PRDM16: variants seen among roughly 807,000 people sequenced by gnomAD.
The protein encoded by PRDM16 is PR/SET domain 16.
PRDM16 carries 23 observed loss-of-function variants against 110.6 expected under a neutral mutation model. The observed-to-expected ratio is 0.21, with a 90% CI of 0.15 to 0.29. PRDM16 has a LOEUF of 0.29. Among genes scored for constraint, PRDM16 ranks in the 10% least tolerant of loss-of-function variants. The pLI, the probability that PRDM16 is intolerant of heterozygous loss-of-function variation, is 1.00. For missense variants in PRDM16, 1,615 were observed against 1,794.3 expected, an observed-to-expected ratio of 0.90 and a Z score of 1.81; for synonymous variants, 799 against 781.8, an observed-to-expected ratio of 1.02 and a Z score of -0.37.
chr1:3,323,427 G>A (rs999486466), intron 3 of PRDM16, among the ~76,000 whole-genome samples: 1 of 152,260 alleles, frequency 6.6e-6, no homozygotes, highest in Middle Eastern at 3.2e-3. Context: ...GCTGTTCCAG[G>A]CGCCAACAGA....
Position 3,434,803 on chromosome 1 carries a change from G to A in PRDM16, c.*992G>A, listed in dbSNP as rs72851364. On this transcript the variant is annotated 3_prime_UTR_variant, in exon 17 of 17. Transcript: ENST00000270722. ...TCCTTCCCTCCTCTGTCCCTGCCTC[G>A]GCCACCCCACGCGGGAACCCAGCGC... 2,765 of 232,214 alleles carry A rather than the reference G, an allele frequency of 0.012. 73 individuals carry two copies. Among genetic ancestry groups the A allele is most frequent in the African/African-American group, 0.056 (2,546 of 45,378 alleles). 14.4% of individuals were successfully genotyped at this position (232,214 alleles called of 1,614,324 possible).
chr1:3,357,781 G>A (rs1033482795), intron 3 of PRDM16, among the ~76,000 whole-genome samples: 2 of 152,256 alleles, frequency 1.3e-5, no homozygotes, highest in African/African-American at 4.8e-5. Context: ...GGAGATGGTT[G>A]TGGTTGTCAC....
intron 5 of PRDM16, among the ~76,000 whole-genome samples, chr1:3,400,254 G>A (rs778204986): frequency 4.6e-5 from 7 of 152,208 alleles, no homozygotes; most frequent in African/African-American, 1.2e-4. Context: ...GAATACTGTC[G>A]CCCTTCCCTG....
At chr1:3,282,090 G>A (rs570839417) in intron 3 of PRDM16, among the ~76,000 whole-genome samples, 1 of 152,364 alleles carries the variant, frequency 6.6e-6, no homozygotes, top group South Asian at 2.1e-4. Context: ...TGGGACGCCA[G>A]CTCTCTCCTT....
intron 3 of PRDM16, among the ~76,000 whole-genome samples, chr1:3,263,911 C>T (rs972701250): frequency 2.0e-5 from 3 of 152,218 alleles, no homozygotes; most frequent in African/African-American, 7.2e-5. Flanking sequence ...TCAGTCGACG[C>T]CTCTTGGAGC....
At chr1:3,397,374 A>G (rs1230659650) in intron 5 of PRDM16, among the ~76,000 whole-genome samples, 1 of 152,236 alleles carries the variant, frequency 6.6e-6, no homozygotes, top group Non-Finnish European at 1.5e-5. Flanking sequence ...ACCCAAGTAC[A>G]GCTGAGAGGA....
intron 1 of PRDM16, among the ~76,000 whole-genome samples, chr1:3,167,320 G>T (rs1273164702): frequency 6.6e-6 from 1 of 152,260 alleles, no homozygotes; most frequent in Admixed American, 6.5e-5. Flanking sequence ...CCGGAAATCC[G>T]TCATCCGCAG....
chr1:3,407,240 C>T (rs762070022), intron 8 of PRDM16, among the ~76,000 whole-genome samples: 8 of 152,212 alleles, frequency 5.3e-5, no homozygotes, highest in Non-Finnish European at 5.9e-5. Flanking sequence ...CTGGGCTGTG[C>T]CCGTCCCACC....
At chr1:3,282,996 G>T (rs1456252021) in intron 3 of PRDM16, among the ~76,000 whole-genome samples, 1 of 152,250 alleles carries the variant, frequency 6.6e-6, no homozygotes, top group African/African-American at 2.4e-5. Context: ...ATCTTTCAGT[G>T]CAGAGTCAAT....
chr1:3,265,551 C>T lies in PRDM16; in HGVS notation c.438+21414C>T, dbSNP rs1028208949. ...GGATGTGTGACTCAAGGGACCCATC[C>T]GAGGTTCATGGGAAGAGGAGAAGGG... On this transcript the variant is annotated intron_variant, in intron 3 of 16. Transcript: ENST00000270722. This position sits in a 1 kb window ranked among gnomAD's most constrained non-coding sequence, Gnocchi z 4.5. Among the ~76,000 whole-genome samples, 1 of 151,990 alleles carries T rather than the reference C, an allele frequency of 6.6e-6. No homozygotes were observed. The highest frequency in any genetic ancestry group is 1.5e-5 in the Non-Finnish European group (1 of 67,976).
chr1:3,389,526 G>A (rs1388655977), intron 4 of PRDM16, among the ~76,000 whole-genome samples: 1 of 152,204 alleles, frequency 6.6e-6, no homozygotes, highest in Non-Finnish European at 1.5e-5. Flanking sequence ...AGGTGACCGG[G>A]CCCATCCCAG....
chr1:3,284,559 G>A (rs1215947779), intron 3 of PRDM16, among the ~76,000 whole-genome samples: 1 of 152,220 alleles, frequency 6.6e-6, no homozygotes, highest in Non-Finnish European at 1.5e-5. Context: ...GCCAGGACCT[G>A]CCAGCAGCCA....
Position 3,347,525 on chromosome 1 carries a change from G to A in PRDM16, c.439-37627G>A, listed in dbSNP as rs544130129. ...CTGTGCACACTGGGTGGGAACAAGGGCCTGTAGAATCAAGGCAAGAGGCAG... is the reference window on the plus strand; with the variant it reads ...CTGTGCACACTGGGTGGGAACAAGGACCTGTAGAATCAAGGCAAGAGGCAG... On this transcript the variant is annotated intron_variant, in intron 3 of 16. Coordinates refer to ENST00000270722, the MANE Select transcript of PRDM16 (RefSeq NM_022114.4). Among the ~76,000 whole-genome samples the A allele has an allele frequency of 4.6e-5, 7 of 152,318 alleles. No individual in the cohort carries two copies. In the East Asian group the frequency reaches 1.4e-3, roughly 29 times the overall value.
intron 1 of PRDM16, among the ~76,000 whole-genome samples, chr1:3,092,045 A>AGCCAGCCG (rs1442530973): frequency 1.3e-5 from 2 of 152,200 alleles, no homozygotes; most frequent in Non-Finnish European, 2.9e-5. Context: ...GATAAGATGG[A>AGCCAGCCG]GCCAGCCGTG....
At chr1:3,302,536 C>T (rs545732048) in intron 3 of PRDM16, among the ~76,000 whole-genome samples, 1 of 151,914 alleles carries the variant, frequency 6.6e-6, no homozygotes, top group African/African-American at 2.4e-5. Context: ...TTGCAAAGCA[C>T]AGTAAAGAGA....
At chr1:3,117,140 C>T (rs1009855111) in intron 1 of PRDM16, among the ~76,000 whole-genome samples, 9 of 152,206 alleles carry the variant, frequency 5.9e-5, no homozygotes, top group African/African-American at 9.6e-5. Flanking sequence ...TCTTCTGCTC[C>T]GGCTGTTTCG....
In PRDM16 at chr1:3,233,478, G is replaced by A. The variant is rs567126076; in HGVS notation, c.388-10609G>A. Among the ~76,000 whole-genome samples, 11 of 152,318 alleles carry A rather than the reference G, an allele frequency of 7.2e-5. No homozygotes were observed. In the South Asian group the frequency reaches 1.0e-3, roughly 14 times the overall value. On this transcript the variant is annotated intron_variant, in intron 2 of 16. Transcript: ENST00000270722. ...CAGTGAGCGGAATCTGTCCTGGGGC[G>A]CAAAGGGCTCAGGCTGAGCATGGAA...
chr1:3,291,176 C>T (rs551585449), intron 3 of PRDM16, among the ~76,000 whole-genome samples: 2 of 152,092 alleles, frequency 1.3e-5, no homozygotes, highest in Non-Finnish European at 2.9e-5. Flanking sequence ...GAGAGCAGCC[C>T]ACACGGCCTC....
intron 1 of PRDM16, among the ~76,000 whole-genome samples, chr1:3,122,067 C>T (rs768172891): frequency 2.0e-5 from 3 of 152,316 alleles, no homozygotes; most frequent in Non-Finnish European, 2.9e-5. Flanking sequence ...CCAGCCTCAC[C>T]GCGAGCCCCT....
Sources: allele counts gnomAD v4.1 joint callset (sites outside exome capture counted in the v4.1 genomes callset), GRCh38; gene constraint gnomAD v4.1.1; non-coding constraint Gnocchi (gnomAD v3.1); transcripts MANE v1.5; gene names NCBI Gene and HGNC (gene_info 2026-07-23, HGNC 2026-07-21).